The following ICA1 variants were observed in gnomAD, a reference collection of about 807,000 sequenced individuals.
ICA1 encodes the protein islet cell autoantigen 1.
ICA1 carries 40 observed loss-of-function variants against 71.0 expected under a neutral mutation model. The observed-to-expected ratio is 0.56, with a 90% CI of 0.44 to 0.73. The LOEUF is 0.73. ICA1 is among the 30% of genes least tolerant of loss of function. ICA1 has a pLI of 0.00. For missense variants in ICA1, 578 were observed against 576.5 expected (o/e 1.00, Z -0.03); for synonymous variants, 207 against 209.5 (o/e 0.99, Z 0.10).
At chr7:8,138,197 T>C (rs34494125) in intron 12 of ICA1, among the ~76,000 whole-genome samples, 1 of 152,144 alleles carries the variant, frequency 6.6e-6, no homozygotes, top group Non-Finnish European at 1.5e-5. Flanking sequence ...GATTCTCTTT[T>C]GGGAGGTTAT....
chr7:8,123,048 C>T lies in ICA1; in HGVS notation c.1330+4825G>A, dbSNP rs918522936. On this transcript the variant is annotated intron_variant, in intron 13 of 13. Coordinates refer to ENST00000402384, the MANE Select transcript of ICA1 (RefSeq NM_001136020.3). The surrounding 1 kb of genome is among the most constrained non-coding windows in gnomAD (Gnocchi z 4.1). Reference sequence around the variant, plus strand: ...CTCTCCTCCTACTCACACAAAGTGGCCTTGGGAAGGCACAATTTTCTCATC... The same window carrying T: ...CTCTCCTCCTACTCACACAAAGTGGTCTTGGGAAGGCACAATTTTCTCATC... Among the ~76,000 whole-genome samples the T allele has an allele frequency of 6.6e-6, 1 of 152,188 alleles. No individual in the cohort carries two copies. The highest frequency in any genetic ancestry group is 2.4e-5 in the African/African-American group (1 of 41,438).
chr7:8,192,741 CTTTG>C (rs993539352), intron 6 of ICA1, among the ~76,000 whole-genome samples: 29 of 118,948 alleles, frequency 2.4e-4, no homozygotes, highest in South Asian at 1.2e-3. Context: ...ATTTGTTCTC[CTTTG>C]TTTGTTTATA....
At chr7:8,141,859 G>T in intron 9 of ICA1, 42 bp from the exon 10 acceptor site, 1 of 1,433,882 alleles carries the variant, frequency 7.0e-7, no homozygotes, top group Non-Finnish European at 9.7e-7. Context: ...TTCTACCAAT[G>T]TTATATTTAT....
chr7:8,188,660 A>G (rs1330076885), intron 6 of ICA1, among the ~76,000 whole-genome samples: 1 of 152,192 alleles, frequency 6.6e-6, no homozygotes, highest in Admixed American at 6.5e-5. Context: ...GACTTCAGAA[A>G]TATTTTGGGA....
chr7:8,141,068 G>A (rs1217443641), intron 10 of ICA1, among the ~76,000 whole-genome samples: 1 of 152,222 alleles, frequency 6.6e-6, no homozygotes, highest in African/African-American at 2.4e-5. Flanking sequence ...GAGCTTGAGT[G>A]CCAGTGAAGT....
intron 13 of ICA1, among the ~76,000 whole-genome samples, chr7:8,118,935 T>G (rs1229436630): frequency 6.6e-6 from 1 of 152,198 alleles, no homozygotes; most frequent in Non-Finnish European, 1.5e-5. Context: ...TGAATCAGAA[T>G]CCCTGCAGGT....
chr7:8,143,861 A>G lies in ICA1; in HGVS notation c.902+14T>C. 2 of 1,545,916 alleles carry G rather than the reference A, an allele frequency of 1.3e-6. No homozygotes were observed. ...TGGGAAGAAAGATGCAGAGGGAAGGAACCTGTGACTTACTGGCTCGGCTCC... is the reference window on the plus strand; with the variant it reads ...TGGGAAGAAAGATGCAGAGGGAAGGGACCTGTGACTTACTGGCTCGGCTCC... On this transcript the variant is annotated intron_variant, in intron 9 of 13. Transcript: ENST00000402384.
At chr7:8,147,049 C>A (rs756636573) in intron 8 of ICA1, among the ~76,000 whole-genome samples, 101 of 152,010 alleles carry the variant, frequency 6.6e-4, no homozygotes, top group Middle Eastern at 6.8e-3. Context: ...TCCTGGTTTG[C>A]TCAATTATCT....
intron 1 of ICA1, among the ~76,000 whole-genome samples, chr7:8,243,368 G>GCC: frequency 6.6e-6 from 1 of 152,078 alleles, no homozygotes; most frequent in African/African-American, 2.4e-5. Flanking sequence ...ATTCAACAAT[G>GCC]CTTCATGCTA....
chr7:8,225,686 G>C (rs1348265205), intron 4 of ICA1, among the ~76,000 whole-genome samples: 1 of 152,160 alleles, frequency 6.6e-6, no homozygotes, highest in Non-Finnish European at 1.5e-5. Flanking sequence ...ATCTATTTCT[G>C]TATGTATCTA....
intron 3 of ICA1, among the ~76,000 whole-genome samples, chr7:8,232,046 T>C (rs1303150039): frequency 6.6e-6 from 1 of 152,218 alleles, no homozygotes; most frequent in Non-Finnish European, 1.5e-5. Flanking sequence ...TTGGCAGAAA[T>C]GTCCAGCAAG....
intron 6 of ICA1, among the ~76,000 whole-genome samples, chr7:8,205,097 C>T (rs965931977): frequency 1.0e-4 from 14 of 139,338 alleles, no homozygotes; most frequent in Non-Finnish European, 1.8e-4. Flanking sequence ...AAAAAAAAGG[C>T]GGGGGGGTGG....
At position 8,197,804 on chromosome 7, in the gene ICA1, A is replaced by G. The variant is rs1788220812; in HGVS notation, c.579+20501T>C. Among the ~76,000 whole-genome samples, 4 of 152,118 alleles carry G rather than the reference A, an allele frequency of 2.6e-5. 1 individual carries two copies. The South Asian group carries it at 6.2e-4, about 24-fold the overall frequency. On this transcript the variant is annotated intron_variant, in intron 6 of 13. Transcript: ENST00000402384. ...ATAACTAAATGAACAGACCCAAGAA[A>G]GCTAAATCCAAATCTGGCAATGGAA...
At chr7:8,126,799 A>G (rs976542197) in intron 13 of ICA1, among the ~76,000 whole-genome samples, 2 of 151,942 alleles carry the variant, frequency 1.3e-5, no homozygotes, top group African/African-American at 4.9e-5. Flanking sequence ...AAAAGTGTTG[A>G]AATACTAAAA....
At chr7:8,209,414 T>TCTATA (rs760534224) in intron 6 of ICA1, among the ~76,000 whole-genome samples, 76 of 152,232 alleles carry the variant, frequency 5.0e-4, no homozygotes, top group Non-Finnish European at 1.1e-3. Context: ...ATAGATGGTA[T>TCTATA]CTTCTAGGAT....
intron 12 of ICA1, among the ~76,000 whole-genome samples, chr7:8,136,385 G>A (rs1562594613): frequency 6.6e-6 from 1 of 152,144 alleles, no homozygotes; most frequent in South Asian, 2.1e-4. Flanking sequence ...CGTGCATATT[G>A]TAATCAGCAT....
chr7:8,115,277 T>A (rs1784429678), intron 13 of ICA1, among the ~76,000 whole-genome samples: 1 of 152,184 alleles, frequency 6.6e-6, no homozygotes, highest in Non-Finnish European at 1.5e-5. Context: ...CATGTGCAAT[T>A]AGCCCTGGAA....
At chr7:8,220,875 G>C (rs1353985811) in intron 5 of ICA1, among the ~76,000 whole-genome samples, 1 of 151,968 alleles carries the variant, frequency 6.6e-6, no homozygotes, top group East Asian at 1.9e-4. Flanking sequence ...AAGTTAATTG[G>C]TCCACAGAGA....
intron 8 of ICA1, among the ~76,000 whole-genome samples, chr7:8,148,134 A>G (rs1385275868): frequency 1.3e-5 from 2 of 152,224 alleles, no homozygotes; most frequent in African/African-American, 4.8e-5. Flanking sequence ...TGGAATAAGC[A>G]GTTTGGAAAA....
Sources: allele counts gnomAD v4.1 joint callset (sites outside exome capture counted in the v4.1 genomes callset), GRCh38; gene constraint gnomAD v4.1.1; non-coding constraint Gnocchi (gnomAD v3.1); transcripts MANE v1.5; gene names NCBI Gene and HGNC (gene_info 2026-07-23, HGNC 2026-07-21).